UBE2E1: variants seen among roughly 807,000 people sequenced by gnomAD.
UBE2E1 encodes the protein ubiquitin conjugating enzyme E2 E1.
UBE2E1 carries 6 observed loss-of-function variants against 21.4 expected under a neutral mutation model. The ratio of observed to expected loss-of-function variants is 0.28; its 90% CI spans 0.15 to 0.55. The LOEUF (loss-of-function observed/expected upper bound fraction) is 0.55, where lower values mean the gene tolerates loss of function less well. Among genes scored for constraint, UBE2E1 ranks in the 20% least tolerant of loss-of-function variants. The pLI is 0.93. For synonymous variants in UBE2E1, 87 were observed against 82.7 expected (o/e 1.05, Z -0.28); for missense variants, 142 against 236.5 (o/e 0.60, Z 2.62).
chr3:23,885,858 C>T (rs951814263), intron 3 of UBE2E1, among the ~76,000 whole-genome samples: 2 of 151,290 alleles, frequency 1.3e-5, no homozygotes, highest in Admixed American at 6.6e-5. Context: ...AAAACTCCGC[C>T]TTAAAAAACA....
chr3:23,886,854 C>T (rs1311949244), intron 3 of UBE2E1, among the ~76,000 whole-genome samples: 1 of 152,168 alleles, frequency 6.6e-6, no homozygotes. Context: ...CGGTGGCACT[C>T]TAGAAGCCAA....
In UBE2E1 at chr3:23,842,199, GTGTGTGTGT is replaced by G. The variant is rs1217451727; in HGVS notation, c.203+30690_203+30698del. ...ATGTCATGACCCAGTAAGTGAAGGG[GTGTGTGTGT>G]GTGTGTGTGTGTGTGTGTGTGTGTG... On this transcript the variant is annotated intron_variant, in intron 3 of 5. Coordinates refer to ENST00000306627, the MANE Select transcript of UBE2E1 (RefSeq NM_003341.5). This position sits in a 1 kb window ranked among gnomAD's most constrained non-coding sequence, Gnocchi z 4.6. 5.3e-5 allele frequency among the ~76,000 whole-genome samples: 3 copies of G among 56,246 alleles called. No individual in the cohort carries two copies. The highest frequency in any genetic ancestry group is 2.1e-4 in the Admixed American group (1 of 4,808). The allele number at this position is 56,246 out of a possible 152,430, so 36.9% of individuals were successfully genotyped here.
chr3:23,817,022 A>T (rs1438907082), intron 3 of UBE2E1, among the ~76,000 whole-genome samples: 1 of 152,266 alleles, frequency 6.6e-6, no homozygotes, highest in East Asian at 1.9e-4. Context: ...CACAATAAAC[A>T]GTTATACCAC....
intron 3 of UBE2E1, among the ~76,000 whole-genome samples, chr3:23,850,837 CTTTTTTTTTTT>C (rs71057628): frequency 7.6e-4 from 98 of 128,388 alleles, no homozygotes; most frequent in Middle Eastern, 3.8e-3. Flanking sequence ...CCACACCCAG[CTTTTTTTTTTT>C]TTTTTTTTTT....
chr3:23,842,198 G>GTGTGTGTGTGTGTGTGTGTGTGTGTGT lies in UBE2E1; in HGVS notation c.203+30688_203+30689insTGTGTGTGTGTGTGTGTGTGTGTGTGT, dbSNP rs1553637705. Among the ~76,000 whole-genome samples, 2 of 104,286 alleles carry GTGTGTGTGTGTGTGTGTGTGTGTGTGT rather than the reference G, an allele frequency of 1.9e-5. No homozygotes were observed. The highest frequency in any genetic ancestry group is 1.0e-4 in the Admixed American group (1 of 9,652). 68.4% of individuals were successfully genotyped at this position (104,286 alleles called of 152,430 possible). On this transcript the variant is annotated intron_variant, in intron 3 of 5. Transcript: ENST00000306627. The surrounding 1 kb of genome is among the most constrained non-coding windows in gnomAD (Gnocchi z 4.6). Reference sequence around the variant, plus strand: ...TATGTCATGACCCAGTAAGTGAAGGGGTGTGTGTGTGTGTGTGTGTGTGTG... The same window carrying GTGTGTGTGTGTGTGTGTGTGTGTGTGT: ...TATGTCATGACCCAGTAAGTGAAGGGTGTGTGTGTGTGTGTGTGTGTGTGTGTGTGTGTGTGTGTGTGTGTGTGTGTG...
intron 3 of UBE2E1, among the ~76,000 whole-genome samples, chr3:23,868,885 TTC>T (rs1700715453): frequency 6.6e-6 from 1 of 152,258 alleles, no homozygotes; most frequent in Admixed American, 6.5e-5. Context: ...CCTTCTGGAT[TTC>T]TTTCCTTGCT....
At position 23,870,877 on chromosome 3, in the gene UBE2E1, T is replaced by C. The variant is rs368698543; in HGVS notation, c.204-16690T>C. Among the ~76,000 whole-genome samples, 30 of 142,802 alleles carry C rather than the reference T, an allele frequency of 2.1e-4. No homozygotes were observed. Among genetic ancestry groups the C allele is most frequent in the East Asian group, 6.2e-4 (3 of 4,808 alleles). The allele number at this position is 142,802 out of a possible 152,430, so 93.7% of individuals were successfully genotyped here. A position where few individuals can be genotyped will look rare whatever the true frequency, so the allele number is the denominator to read the frequency against. On this transcript the variant is annotated intron_variant, in intron 3 of 5. Transcript: ENST00000306627. The surrounding 1 kb of genome is among the most constrained non-coding windows in gnomAD (Gnocchi z 4.2). Reference sequence around the variant, plus strand: ...ACTTGAGATTAGGGAGTGGTGATGATTCTTAACGAGCATGCTGCCTTCAAG... The same window carrying C: ...ACTTGAGATTAGGGAGTGGTGATGACTCTTAACGAGCATGCTGCCTTCAAG...
At chr3:23,860,004 T>C (rs1700518728) in intron 3 of UBE2E1, among the ~76,000 whole-genome samples, 1 of 152,208 alleles carries the variant, frequency 6.6e-6, no homozygotes, top group South Asian at 2.1e-4. Flanking sequence ...AAGAAGCAGT[T>C]CAGAACCACG....
chr3:23,865,224 C>A (rs543175043), intron 3 of UBE2E1, among the ~76,000 whole-genome samples: 1 of 152,330 alleles, frequency 6.6e-6, no homozygotes, highest in African/African-American at 2.4e-5. Context: ...CAGTTCCTTG[C>A]AGCTATGGGA....
chr3:23,872,429 T>C (rs1700824233), intron 3 of UBE2E1, among the ~76,000 whole-genome samples: 1 of 152,154 alleles, frequency 6.6e-6, no homozygotes, highest in African/African-American at 2.4e-5. Context: ...GTTTAACTTT[T>C]GTTTTTTAAT....
At chr3:23,850,542 A>G (rs1487174832) in intron 3 of UBE2E1, among the ~76,000 whole-genome samples, 1 of 150,894 alleles carries the variant, frequency 6.6e-6, no homozygotes, top group East Asian at 1.9e-4. Context: ...TTTTTGAGAT[A>G]GGGTCTTGTT....
At chr3:23,889,840 T>C (rs1318845882) in intron 5 of UBE2E1, 26 of 820,480 alleles carry the variant, frequency 3.2e-5, no homozygotes, top group Non-Finnish European at 3.5e-5. Context: ...CAGTGAGCCA[T>C]GAGCATGTCA....
chr3:23,888,189 A>G (rs1701235980), intron 4 of UBE2E1: 2 of 456,630 alleles, frequency 4.4e-6, no homozygotes, highest in South Asian at 1.5e-5. Flanking sequence ...AAAGCTTTGG[A>G]TTCTGTTGTG....
intron 3 of UBE2E1, among the ~76,000 whole-genome samples, chr3:23,847,282 T>C (rs972201027): frequency 1.3e-5 from 2 of 152,060 alleles, no homozygotes; most frequent in Admixed American, 1.3e-4. Context: ...TTTAACTTCC[T>C]AGATGAAAAG....
intron 3 of UBE2E1, among the ~76,000 whole-genome samples, chr3:23,865,797 G>A (rs6808682): frequency 2.6e-5 from 4 of 152,184 alleles, no homozygotes; most frequent in African/African-American, 9.7e-5. Context: ...TAACTTACAA[G>A]CCAGTTTCGT....
chr3:23,880,646 T>G (rs1701016687), intron 3 of UBE2E1, among the ~76,000 whole-genome samples: 1 of 152,216 alleles, frequency 6.6e-6, no homozygotes, highest in Non-Finnish European at 1.5e-5. Context: ...AAATGCAGAT[T>G]TGGTTTCTGA....
intron 3 of UBE2E1, among the ~76,000 whole-genome samples, chr3:23,854,397 T>C (rs1487121804): frequency 1.3e-5 from 2 of 152,200 alleles, no homozygotes; most frequent in Non-Finnish European, 2.9e-5. Flanking sequence ...TATTATCTTT[T>C]CCAAGCTATC....
At chr3:23,858,295 C>G (rs1420299960) in intron 3 of UBE2E1, among the ~76,000 whole-genome samples, 1 of 152,054 alleles carries the variant, frequency 6.6e-6, no homozygotes, top group Admixed American at 6.5e-5. Flanking sequence ...AGGGAGGATA[C>G]TTTTTAATCA....
At position 23,853,590 on chromosome 3, in the gene UBE2E1, CTT is replaced by C. The variant is rs769006776; in HGVS notation, c.204-33976_204-33975del. Among the ~76,000 whole-genome samples the C allele has an allele frequency of 2.0e-5, 3 of 152,134 alleles. No individual in the cohort carries two copies. Among genetic ancestry groups the C allele is most frequent in the East Asian group, 1.9e-4 (1 of 5,170 alleles). On this transcript the variant is annotated intron_variant, in intron 3 of 5. Transcript: ENST00000306627. The surrounding 1 kb of genome is among the most constrained non-coding windows in gnomAD (Gnocchi z 4.1). ...GGTTTTAGCTGTTAAATTTAGGTCTCTTCATTTCTGTTCACAATTCAGTCTTT... is the reference window on the plus strand; with the variant it reads ...GGTTTTAGCTGTTAAATTTAGGTCTCCATTTCTGTTCACAATTCAGTCTTT...
Sources: allele counts gnomAD v4.1 joint callset (sites outside exome capture counted in the v4.1 genomes callset), GRCh38; gene constraint gnomAD v4.1.1; non-coding constraint Gnocchi (gnomAD v3.1); transcripts MANE v1.5; gene names NCBI Gene and HGNC (gene_info 2026-07-23, HGNC 2026-07-21).